Variants in BCL2L11 observed in about 807,000 individuals in gnomAD.
BCL2L11 encodes the protein bcl-2-like protein 11.
In BCL2L11, 15 loss-of-function variants were observed where a neutral mutation model predicts 20.6. The ratio of observed to expected loss-of-function variants is 0.73; its 90% confidence interval spans 0.49 to 1.12. The LOEUF is 1.12. BCL2L11 is among the 50% of genes most tolerant of loss of function. BCL2L11 has a pLI of 0.00. For synonymous variants in BCL2L11, 108 were observed against 92.8 expected (o/e 1.16, Z -0.94); for missense variants, 292 against 260.9 (o/e 1.12, Z -0.82).
In BCL2L11 at chr2:111,124,080, A is replaced by G; in HGVS notation, c.335A>G (p.Lys112Arg). ...DRSPAPMSCDKSTQTPSPPCQ... is the reference protein window; with the variant it reads ...DRSPAPMSCDRSTQTPSPPCQ... Reference sequence around the variant, plus strand: ...AGCCCAGCACCCATGAGTTGTGACAAATCAACACAAACCCCAAGTCCTCCT... The same window carrying G: ...AGCCCAGCACCCATGAGTTGTGACAGATCAACACAAACCCCAAGTCCTCCT... The change falls in exon 2 of 4, where the codon AAA (lysine) becomes AGA (arginine). Residue 112 changes from lysine to arginine, a missense_variant. Physicochemically the swap from Lys to Arg is conservative, Grantham distance 26 (BLOSUM62 2). Transcript: ENST00000393256. 1.2e-6 allele frequency: 2 copies of G among 1,614,054 alleles called. No homozygotes were observed. The highest frequency in any genetic ancestry group is 1.7e-6 in the Non-Finnish European group (2 of 1,180,000).
At chr2:111,122,774 G>T in intron 1 of BCL2L11, 1 of 985,262 alleles carries the variant, frequency 1.0e-6, no homozygotes, top group South Asian at 4.7e-5. Flanking sequence ...GCGCTGCGCC[G>T]GGGACTCTGA....
intron 3 of BCL2L11, chr2:111,153,848 G>T: frequency 1.3e-6 from 2 of 1,551,472 alleles, no homozygotes; most frequent in Non-Finnish European, 8.7e-7. Context: ...GTGGGGAAGC[G>T]TTTGAGACGG....
At chr2:111,123,423 C>T (rs1489290294) in intron 1 of BCL2L11, 5 of 985,370 alleles carry the variant, frequency 5.1e-6, no homozygotes, top group Non-Finnish European at 6.0e-6. Flanking sequence ...GAAGTCTGTC[C>T]TGGGCAAAGA....
intron 2 of BCL2L11, among the ~76,000 whole-genome samples, chr2:111,149,016 T>G (rs2076924793): frequency 6.6e-6 from 1 of 152,202 alleles, no homozygotes; most frequent in Admixed American, 6.5e-5. Context: ...ACGTAATATG[T>G]GTGTTTAATT....
chr2:111,120,973 T>TGCCGCCGCCGCCGCCGCC lies in BCL2L11; in HGVS notation c.-224_-223insCGCCGCCGCCGCCGCCGC, dbSNP rs1336160533. 1.1e-5 allele frequency: 3 copies of TGCCGCCGCCGCCGCCGCC among 271,116 alleles called. No homozygotes were observed. Among genetic ancestry groups the TGCCGCCGCCGCCGCCGCC allele is most frequent in the African/African-American group, 8.5e-5 (1 of 11,760 alleles). The allele number at this position is 271,116 out of a possible 1,614,324, so 16.8% of individuals were successfully genotyped here. ...GTTGGAGCTCTGCGTCCAGCGCCGC[T>TGCCGCCGCCGCCGCCGCC]GCCGCTGCCGCCGCCGCCGCCGCCG... On this transcript the variant is annotated 5_prime_UTR_variant, in exon 1 of 4. Transcript: ENST00000393256.
intron 2 of BCL2L11, among the ~76,000 whole-genome samples, chr2:111,138,616 T>C (rs2075313714): frequency 6.6e-6 from 1 of 152,188 alleles, no homozygotes; most frequent in South Asian, 2.1e-4. Flanking sequence ...ATTTACTCTT[T>C]TGGGGTCTGC....
intron 3 of BCL2L11, chr2:111,161,497 A>G: frequency 6.5e-7 from 1 of 1,550,236 alleles, no homozygotes; most frequent in Non-Finnish European, 8.7e-7. Context: ...AGCTCTGCAG[A>G]CAGCAGGTCT....
chr2:111,157,100 T>A (rs1452698800), intron 3 of BCL2L11, among the ~76,000 whole-genome samples: 1 of 152,172 alleles, frequency 6.6e-6, no homozygotes, highest in Non-Finnish European at 1.5e-5. Flanking sequence ...AAAGGACTTG[T>A]GCTTGTTTGC....
intron 2 of BCL2L11, among the ~76,000 whole-genome samples, chr2:111,133,784 A>G (rs1169349181): frequency 1.3e-5 from 2 of 152,000 alleles, no homozygotes; most frequent in East Asian, 1.9e-4. Flanking sequence ...GTCCTTGCTG[A>G]TTTTACTGTC....
chr2:111,141,976 C>T (rs1386414446), intron 2 of BCL2L11, among the ~76,000 whole-genome samples: 1 of 152,178 alleles, frequency 6.6e-6, no homozygotes, highest in African/African-American at 2.4e-5. Flanking sequence ...GCTAGGATTA[C>T]AGGCGTGAGC....
intron 1 of BCL2L11, among the ~76,000 whole-genome samples, chr2:111,122,141 GGAGA>G (rs1421755767): frequency 6.6e-6 from 1 of 152,240 alleles, no homozygotes; most frequent in African/African-American, 2.4e-5. Flanking sequence ...CGGCGCACCA[GGAGA>G]GAGAGGAAGT....
chr2:111,147,390 A>ACCCCC (rs1553500143), intron 2 of BCL2L11, among the ~76,000 whole-genome samples: 1 of 138,256 alleles, frequency 7.2e-6, no homozygotes, highest in Non-Finnish European at 1.6e-5. Flanking sequence ...ACACACACAC[A>ACCCCC]CCCGCCATTT....
intron 2 of BCL2L11, chr2:111,144,666 CT>C (rs960229033): frequency 7.2e-6 from 8 of 1,114,832 alleles, no homozygotes; most frequent in Non-Finnish European, 8.8e-6. Flanking sequence ...TGGAATTTTT[CT>C]TTCTCTAAAT....
intron 2 of BCL2L11, among the ~76,000 whole-genome samples, chr2:111,141,214 C>T (rs557637580): frequency 3.3e-5 from 5 of 152,100 alleles, no homozygotes; most frequent in Admixed American, 2.0e-4. Flanking sequence ...ACAATCCACA[C>T]GTATGTTTAT....
Position 111,164,331 on chromosome 2 carries a change from G to A in BCL2L11, c.*100G>A. On this transcript the variant is annotated 3_prime_UTR_variant, in exon 4 of 4. Coordinates refer to ENST00000393256, the MANE Select transcript of BCL2L11 (RefSeq NM_138621.5). ...TCCTGGTGCCATTATTATGCAGCCA[G>A]CGGTTCTCTTGTGGAGGGGGCAGGT... The A allele has an allele frequency of 2.2e-6, 2 of 890,350 alleles. No individual in the cohort carries two copies. The highest frequency in any genetic ancestry group is 1.4e-5 in the South Asian group (1 of 73,762). The allele number at this position is 890,350 out of a possible 1,614,324, so 55.2% of individuals were successfully genotyped here.
intron 2 of BCL2L11, among the ~76,000 whole-genome samples, chr2:111,148,883 T>C (rs2076903457): frequency 1.3e-5 from 2 of 152,252 alleles, no homozygotes; most frequent in Non-Finnish European, 2.9e-5. Flanking sequence ...TAAGTGTTTT[T>C]ATAGAGCTCT....
intron 3 of BCL2L11, chr2:111,161,530 C>T (rs2078547048): frequency 2.6e-6 from 4 of 1,548,354 alleles, no homozygotes; most frequent in Non-Finnish European, 2.6e-6. Context: ...CAAGGCATGG[C>T]TGCTGATGAT....
intron 2 of BCL2L11, among the ~76,000 whole-genome samples, chr2:111,137,671 A>G (rs1310465608): frequency 6.6e-6 from 1 of 151,226 alleles, no homozygotes. Flanking sequence ...TGCTAGCAGA[A>G]ACATATATGC....
chr2:111,141,543 T>G, intron 2 of BCL2L11, among the ~76,000 whole-genome samples: 2 of 143,516 alleles, frequency 1.4e-5, no homozygotes, highest in Admixed American at 6.9e-5. Flanking sequence ...AGGGAGAGCA[T>G]TGGGAGATAT....
Sources: gnomAD v4.1 joint callset for allele counts (sites outside exome capture counted in the v4.1 genomes callset) on GRCh38, gnomAD v4.1.1 for gene constraint, MANE v1.5 for transcripts, NCBI Gene and HGNC (gene_info 2026-07-23, HGNC 2026-07-21) for gene names.